ZFAND4: variants seen among roughly 807,000 people sequenced by gnomAD.
The protein encoded by ZFAND4 is AN1-type zinc finger protein 4.
Under a neutral mutation model 64.4 loss-of-function variants are expected in ZFAND4, and 43 were observed. That is an observed-to-expected ratio of 0.67 (90% CI 0.52 to 0.86). The LOEUF is 0.86. ZFAND4 is among the 40% of genes least tolerant of loss of function. The pLI is 0.00. For missense variants in ZFAND4, 929 were observed against 859.8 expected, an observed-to-expected ratio of 1.08 and a Z score of -1.01; for synonymous variants, 296 against 305.7, an observed-to-expected ratio of 0.97 and a Z score of 0.33.
At chr10:45,636,967 T>C (rs2046638287) in intron 6 of ZFAND4, among the ~76,000 whole-genome samples, 2 of 151,940 alleles carry the variant, frequency 1.3e-5, no homozygotes, top group Non-Finnish European at 2.9e-5. Flanking sequence ...GAAAGGATGT[T>C]TTTTCTTAAT....
At chr10:45,633,429 C>T (rs753964308) in intron 6 of ZFAND4, among the ~76,000 whole-genome samples, 3 of 151,846 alleles carry the variant, frequency 2.0e-5, no homozygotes, top group Admixed American at 6.6e-5. Context: ...AAATCAAGCC[C>T]GGCATGGTGC....
At chr10:45,670,177 G>A (rs1181171084) in intron 1 of ZFAND4, among the ~76,000 whole-genome samples, 1 of 151,446 alleles carries the variant, frequency 6.6e-6, no homozygotes, top group African/African-American at 2.4e-5. Context: ...AACAACTTAA[G>A]CAAAGTCTCA....
Position 45,625,984 on chromosome 10 carries a change from A to AGC in ZFAND4, c.1838_1839insGC (p.Ser613ArgfsTer6). On this transcript the variant is annotated frameshift_variant, in exon 7 of 10. Coordinates refer to ENST00000344646, the MANE Select transcript of ZFAND4 (RefSeq NM_174890.4). LOFTEE classifies it high-confidence loss of function. ...CTCCTGTATGTTCTAACTGGGGAGA[A>AGC]CTTTTCCTAAAGTTTTCTTCCTGAA... is the stretch of plus-strand genomic sequence containing the variant. 1 of 1,614,142 alleles carries AGC rather than the reference A, an allele frequency of 6.2e-7. No homozygotes were observed. The highest frequency in any genetic ancestry group is 8.5e-7 in the Non-Finnish European group (1 of 1,180,032).
At chr10:45,661,160 T>C (rs1481086410) in intron 2 of ZFAND4, among the ~76,000 whole-genome samples, 1 of 152,138 alleles carries the variant, frequency 6.6e-6, no homozygotes, top group Non-Finnish European at 1.5e-5. Context: ...ACTTCACCTT[T>C]AACTCATTTA....
intron 4 of ZFAND4, chr10:45,648,976 T>C: frequency 1.0e-6 from 1 of 985,100 alleles, no homozygotes; most frequent in Non-Finnish European, 1.2e-6. Flanking sequence ...AGATTAAAAG[T>C]ACACAGACAC....
intron 9 of ZFAND4, 146 bp downstream of exon 9, chr10:45,617,994 G>T: frequency 2.6e-6 from 2 of 771,530 alleles, no homozygotes; most frequent in Non-Finnish European, 3.9e-6. Flanking sequence ...CTTTACTTCA[G>T]CCAATTAGAA....
intron 8 of ZFAND4, chr10:45,620,692 C>T (rs1417205230): frequency 6.6e-6 from 1 of 152,128 alleles, no homozygotes; most frequent in Non-Finnish European, 1.5e-5. Flanking sequence ...ATCTAAATTC[C>T]TTGGACTGGC....
chr10:45,622,422 T>C (rs1300180367), intron 8 of ZFAND4, among the ~76,000 whole-genome samples: 3 of 152,214 alleles, frequency 2.0e-5, no homozygotes, highest in Non-Finnish European at 4.4e-5. Flanking sequence ...CTTCATGGTA[T>C]TGGATTTGGT....
At chr10:45,668,728 C>T (rs1191244464) in intron 1 of ZFAND4, among the ~76,000 whole-genome samples, 1 of 152,138 alleles carries the variant, frequency 6.6e-6, no homozygotes, top group South Asian at 2.1e-4. Context: ...CAAATTATAA[C>T]TCAGGATTAA....
At chr10:45,622,787 C>T (rs776233607) in intron 8 of ZFAND4, among the ~76,000 whole-genome samples, 1 of 152,054 alleles carries the variant, frequency 6.6e-6, no homozygotes, top group Non-Finnish European at 1.5e-5. Flanking sequence ...TTTGGTAGTC[C>T]GTTGAAGACG....
chr10:45,644,950 T>A (rs1190935462), intron 5 of ZFAND4, among the ~76,000 whole-genome samples: 1 of 151,978 alleles, frequency 6.6e-6, no homozygotes, highest in Non-Finnish European at 1.5e-5. Context: ...TTGGACAAAT[T>A]TATAGTTAGT....
intron 2 of ZFAND4, among the ~76,000 whole-genome samples, chr10:45,660,535 A>G (rs1174144113): frequency 6.6e-6 from 1 of 152,180 alleles, no homozygotes; most frequent in Non-Finnish European, 1.5e-5. Flanking sequence ...AAATTAATGA[A>G]ACATACCAAA....
At chr10:45,670,054 T>C (rs375626211) in intron 1 of ZFAND4, among the ~76,000 whole-genome samples, 1 of 152,018 alleles carries the variant, frequency 6.6e-6, no homozygotes, top group East Asian at 1.9e-4. Flanking sequence ...GAGACAGAAA[T>C]AAAGGATATT....
chr10:45,617,970 G>A lies in ZFAND4; in HGVS notation c.2048+170C>T. 6 of 587,286 alleles carry A rather than the reference G, an allele frequency of 1.0e-5. No homozygotes were observed. In the Admixed American group the frequency reaches 2.3e-4, roughly 23 times the overall value. 36.4% of individuals were successfully genotyped at this position (587,286 alleles called of 1,614,324 possible). ...GTTTTTGTCTTTTGGAAACCCATGAGCTATCTACTTGTTCTTTACTTCAGC... is the reference window on the plus strand; with the variant it reads ...GTTTTTGTCTTTTGGAAACCCATGAACTATCTACTTGTTCTTTACTTCAGC... On this transcript the variant is annotated intron_variant, in intron 9 of 9. Transcript: ENST00000344646.
In ZFAND4 at chr10:45,621,945, T is replaced by C. The variant is rs565190676; in HGVS notation, c.1927+2638A>G. On this transcript the variant is annotated intron_variant, in intron 8 of 9. Transcript: ENST00000344646. The stretch of plus-strand genomic sequence containing the variant: ...TGGAGATTGTCAGTGACCACGGCAA[T>C]AGCAGTTTCAGAAGAGCAGTGAGAC... 6.6e-5 allele frequency among the ~76,000 whole-genome samples: 10 copies of C among 152,218 alleles called. No homozygotes were observed. In the East Asian group the frequency reaches 7.7e-4, roughly 12 times the overall value.
chr10:45,617,634 T>C (rs2045097269), intron 9 of ZFAND4: 1 of 150,000 alleles, frequency 6.7e-6, no homozygotes, highest in Non-Finnish European at 1.5e-5. Context: ...GCAGTTATTT[T>C]AATTCAAGCC....
At chr10:45,664,765 A>C (rs112563038) in intron 1 of ZFAND4, among the ~76,000 whole-genome samples, 20 of 151,962 alleles carry the variant, frequency 1.3e-4, no homozygotes, top group Non-Finnish European at 2.4e-4. Flanking sequence ...ATCTCTACTA[A>C]AAATACAAGA....
intron 7 of ZFAND4, 131 bp downstream of exon 7, chr10:45,625,820 C>T (rs1373603496): frequency 4.3e-6 from 4 of 938,982 alleles, no homozygotes; most frequent in African/African-American, 1.7e-5. Context: ...ACTAAATAAA[C>T]ATTTTCAGAT....
At chr10:45,642,109 G>A (rs1226656126) in intron 5 of ZFAND4, among the ~76,000 whole-genome samples, 1 of 152,120 alleles carries the variant, frequency 6.6e-6, no homozygotes, top group Non-Finnish European at 1.5e-5. Flanking sequence ...GGAGTTAGAA[G>A]GAATAACTCA....
Sources: gnomAD v4.1 joint callset for allele counts (sites outside exome capture counted in the v4.1 genomes callset) on GRCh38, gnomAD v4.1.1 for gene constraint, MANE v1.5 for transcripts, NCBI Gene and HGNC (gene_info 2026-07-23, HGNC 2026-07-21) for gene names.